Variants in PLPPR5 observed in about 807,000 individuals in gnomAD.
The protein encoded by PLPPR5 is phospholipid phosphatase related 5.
PLPPR5 carries 16 observed loss-of-function variants against 33.9 expected under a neutral mutation model. The ratio of observed to expected loss-of-function variants is 0.47; its 90% CI spans 0.32 to 0.72. The LOEUF (loss-of-function observed/expected upper bound fraction) is 0.72. Ranked by LOEUF, PLPPR5 falls within the 30% of genes least tolerant of loss-of-function variation. PLPPR5 has a pLI of 0.03. For missense variants in PLPPR5, 301 were observed against 406.7 expected (o/e 0.74, Z 2.23); for synonymous variants, 163 against 150.3 (o/e 1.08, Z -0.62).
chr1:98,914,506 T>C (rs1335975751), intron 5 of PLPPR5, among the ~76,000 whole-genome samples: 1 of 152,074 alleles, frequency 6.6e-6, no homozygotes, highest in Non-Finnish European at 1.5e-5. Flanking sequence ...AGGCTGGTCT[T>C]GAACTCCTGG....
At chr1:98,898,900 GC>G (rs1275131252) in intron 5 of PLPPR5, among the ~76,000 whole-genome samples, 1 of 152,052 alleles carries the variant, frequency 6.6e-6, no homozygotes, top group Non-Finnish European at 1.5e-5. Flanking sequence ...TCTCTAGGCA[GC>G]TTTCTCTGAT....
intron 1 of PLPPR5, among the ~76,000 whole-genome samples, chr1:98,969,899 C>CT (rs1651600627): frequency 6.6e-6 from 1 of 152,050 alleles, no homozygotes; most frequent in Non-Finnish European, 1.5e-5. Flanking sequence ...CCGTGATACT[C>CT]TGAGTAACAC....
chr1:98,998,714 A>AT (rs1652718712), intron 1 of PLPPR5, among the ~76,000 whole-genome samples: 1 of 152,174 alleles, frequency 6.6e-6, no homozygotes. Context: ...GGGACTCCAG[A>AT]TTGGTCATCT....
chr1:98,956,890 G>T, intron 1 of PLPPR5, 149 bp from the exon 2 acceptor site: 1 of 614,082 alleles, frequency 1.6e-6, no homozygotes, highest in Non-Finnish European at 2.6e-6. Flanking sequence ...TAGATCCTTT[G>T]ATTATAGCCT....
intron 2 of PLPPR5, among the ~76,000 whole-genome samples, chr1:98,954,953 A>G (rs1450855616): frequency 1.1e-5 from 1 of 89,504 alleles, no homozygotes. Context: ...TTGACACTTT[A>G]AAGTTCCCAA....
intron 3 of PLPPR5, among the ~76,000 whole-genome samples, chr1:98,948,007 T>C (rs757737416): frequency 6.6e-6 from 1 of 152,192 alleles, no homozygotes; most frequent in Non-Finnish European, 1.5e-5. Flanking sequence ...CTATATCTCA[T>C]TTGCCAGTGA....
chr1:98,921,086 A>C (rs773669205), intron 4 of PLPPR5, among the ~76,000 whole-genome samples: 22 of 152,354 alleles, frequency 1.4e-4, no homozygotes, highest in Non-Finnish European at 2.8e-4. Context: ...AAAAATACTT[A>C]GAAATGCATA....
At chr1:98,945,921 G>A (rs1398444510) in intron 3 of PLPPR5, among the ~76,000 whole-genome samples, 1 of 152,176 alleles carries the variant, frequency 6.6e-6, no homozygotes, top group African/African-American at 2.4e-5. Flanking sequence ...AGGAGAAAGT[G>A]CTTAGAGATT....
chr1:98,998,154 A>G lies in PLPPR5; in HGVS notation c.237+6281T>C, dbSNP rs534332092. On this transcript the variant is annotated intron_variant, in intron 1 of 5. Coordinates refer to ENST00000263177, the MANE Select transcript of PLPPR5 (RefSeq NM_001037317.2). ...GGGAGGGAAACAGGAAAGAAGGGAG[A>G]AAAATCAGTATGAGTGAAAGTATCT... 2.6e-5 allele frequency among the ~76,000 whole-genome samples: 4 copies of G among 152,278 alleles called. No individual in the cohort carries two copies. The South Asian group carries it at 6.2e-4, about 24-fold the overall frequency.
chr1:98,903,867 C>T (rs1433846865), intron 5 of PLPPR5, among the ~76,000 whole-genome samples: 1 of 152,152 alleles, frequency 6.6e-6, no homozygotes, highest in East Asian at 1.9e-4. Context: ...AAAATCCAAG[C>T]TCTCTGTCCA....
At chr1:98,998,722 T>C (rs927685519) in intron 1 of PLPPR5, among the ~76,000 whole-genome samples, 6 of 152,184 alleles carry the variant, frequency 3.9e-5, no homozygotes, top group Non-Finnish European at 7.4e-5. Context: ...AGATTGGTCA[T>C]CTAACCTCTT....
intron 1 of PLPPR5, among the ~76,000 whole-genome samples, chr1:98,966,173 A>G (rs1324280926): frequency 6.6e-6 from 1 of 152,162 alleles, no homozygotes; most frequent in Admixed American, 6.6e-5. Flanking sequence ...TATTTATTTT[A>G]TGGTTCCCTT....
intron 1 of PLPPR5, among the ~76,000 whole-genome samples, chr1:98,976,521 A>C (rs1394854979): frequency 2.0e-5 from 3 of 151,998 alleles, no homozygotes; most frequent in Non-Finnish European, 4.4e-5. Context: ...TAGACTAGGA[A>C]ACCACCAAGT....
intron 1 of PLPPR5, among the ~76,000 whole-genome samples, chr1:98,970,824 C>A (rs1013881706): frequency 6.6e-5 from 10 of 152,094 alleles, no homozygotes; most frequent in Admixed American, 2.6e-4. Flanking sequence ...GGAGTCAAAG[C>A]ACTTTATGAG....
intron 1 of PLPPR5, among the ~76,000 whole-genome samples, chr1:98,962,184 T>A (rs999806093): frequency 3.9e-5 from 6 of 152,216 alleles, no homozygotes; most frequent in African/African-American, 1.4e-4. Context: ...ATTGCTTTTA[T>A]TTATATTATT....
chr1:98,973,941 G>A (rs17119342), intron 1 of PLPPR5, among the ~76,000 whole-genome samples: 7,322 of 151,942 alleles, frequency 0.048, 225 homozygotes, highest in East Asian at 0.14. Flanking sequence ...AATCAATCCC[G>A]AAAAAGGCAG....
At chr1:98,895,726 C>A (rs1232532583) in intron 5 of PLPPR5, among the ~76,000 whole-genome samples, 1 of 152,010 alleles carries the variant, frequency 6.6e-6, no homozygotes, top group African/African-American at 2.4e-5. Context: ...CATTTCACAT[C>A]ACTTAAGTTT....
At chr1:98,998,167 AGT>A (rs1652693897) in intron 1 of PLPPR5, among the ~76,000 whole-genome samples, 1 of 152,130 alleles carries the variant, frequency 6.6e-6, no homozygotes, top group African/African-American at 2.4e-5. Context: ...AATCAGTATG[AGT>A]GAAAGTATCT....
chr1:98,928,766 G>C (rs1347024667), intron 3 of PLPPR5, among the ~76,000 whole-genome samples: 1 of 151,278 alleles, frequency 6.6e-6, no homozygotes, highest in Non-Finnish European at 1.5e-5. Flanking sequence ...CAGGCTGCCT[G>C]AGCTGCGTTA....
Sources: gnomAD v4.1 joint callset for allele counts (sites outside exome capture counted in the v4.1 genomes callset) on GRCh38, gnomAD v4.1.1 for gene constraint, MANE v1.5 for transcripts, NCBI Gene and HGNC (gene_info 2026-07-23, HGNC 2026-07-21) for gene names.